SEMA4G: variants seen among roughly 807,000 people sequenced by gnomAD.
SEMA4G encodes semaphorin 4G.
In SEMA4G, 59 loss-of-function variants were observed where a neutral mutation model predicts 81.2. The observed-to-expected ratio is 0.73, with a 90% CI of 0.59 to 0.90. SEMA4G has a LOEUF of 0.90. SEMA4G is among the 40% of genes least tolerant of loss of function. SEMA4G has a pLI of 0.00. For synonymous variants in SEMA4G, 404 were observed against 433.9 expected, an observed-to-expected ratio of 0.93 and a Z score of 0.86; for missense variants, 952 against 1,102.3, an observed-to-expected ratio of 0.86 and a Z score of 1.93.
chr10:100,981,674 A>G, intron 13 of SEMA4G: 1 of 1,144,282 alleles, frequency 8.7e-7, no homozygotes, highest in South Asian at 1.4e-5. Flanking sequence ...GAAAGGTGCC[A>G]TTATTATTAT....
At position 100,979,083 on chromosome 10, in the gene SEMA4G, C is replaced by T. The variant is rs201888736; in HGVS notation, c.814-19C>T. On this transcript the variant is annotated intron_variant, in intron 7 of 13. Coordinates refer to ENST00000370250, the Ensembl canonical transcript of SEMA4G. Reference sequence around the variant, plus strand: ...GACCTCTGACCCTGGCCCCTTATCCCGTGCCTCTACCTCCCCAGGGAGACC... The same window carrying T: ...GACCTCTGACCCTGGCCCCTTATCCTGTGCCTCTACCTCCCCAGGGAGACC... 5 of 1,613,476 alleles carry T rather than the reference C, an allele frequency of 3.1e-6. No homozygotes were observed. Among genetic ancestry groups the T allele is most frequent in the East Asian group, 4.5e-5 (2 of 44,862 alleles).
upstream of SEMA4G, among the ~76,000 whole-genome samples, chr10:100,970,334 G>A (rs558014296): frequency 6.6e-6 from 1 of 151,902 alleles, no homozygotes; most frequent in Non-Finnish European, 1.5e-5. Flanking sequence ...CAGGTTAAGT[G>A]GGGGCTGAGA....
intron 10 of SEMA4G, 29 bp downstream of exon 11, chr10:100,980,373 G>C (rs760286258): frequency 2.4e-5 from 39 of 1,594,172 alleles, no homozygotes; most frequent in South Asian, 1.7e-4. Context: ...CCTGATCCCT[G>C]TTGGCCCTGA....
chr10:100,975,893 G>A (rs760793912), intron 3 of SEMA4G, among the ~76,000 whole-genome samples: 10 of 151,826 alleles, frequency 6.6e-5, no homozygotes, highest in South Asian at 4.2e-4. Context: ...GCAAGACTCC[G>A]TCTCAAAAAA....
upstream of SEMA4G, among the ~76,000 whole-genome samples, chr10:100,970,333 T>C (rs984626478): frequency 6.6e-6 from 1 of 151,730 alleles, no homozygotes; most frequent in African/African-American, 2.4e-5. Context: ...ACAGGTTAAG[T>C]GGGGGCTGAG....
At chr10:100,983,396 G>A (rs1264768450) in exon 14 of SEMA4G, 1 of 1,611,934 alleles carries the variant, frequency 6.2e-7, no homozygotes, top group South Asian at 1.1e-5. Context: ...CCCGGGCCTT[G>A]TGGCTACTCA....
downstream of SEMA4G, chr10:100,984,951 T>C: frequency 3.5e-6 from 5 of 1,421,730 alleles, no homozygotes; most frequent in Non-Finnish European, 3.7e-6. Flanking sequence ...CACACCTGTA[T>C]CACACATGTG....
chr10:100,973,388 G>A lies in SEMA4G; in HGVS notation c.273+111G>A, dbSNP rs1162201220. The A allele has an allele frequency of 2.1e-6, 3 of 1,448,220 alleles. No individual in the cohort carries two copies. In the Admixed American group the frequency reaches 5.9e-5, roughly 28 times the overall value. 89.7% of individuals were successfully genotyped at this position (1,448,220 alleles called of 1,614,324 possible). Reference sequence around the variant, plus strand: ...CCTTCCATAGCCCCCTGGTCAGACAGCACTGCCCTTCCCAGCCCAGGTGTT... The same window carrying A: ...CCTTCCATAGCCCCCTGGTCAGACAACACTGCCCTTCCCAGCCCAGGTGTT... On this transcript the variant is annotated intron_variant, in intron 2 of 13. Transcript: ENST00000370250. This position sits in a 1 kb window ranked among gnomAD's most constrained non-coding sequence, Gnocchi z 5.5.
intron 6 of SEMA4G, 93 bp downstream of exon 7, chr10:100,978,733 C>T (rs1850913939): frequency 1.9e-6 from 3 of 1,554,774 alleles, no homozygotes; most frequent in African/African-American, 1.4e-5. Flanking sequence ...CCCCAAATCC[C>T]CAGGTGAGCC....
chr10:100,983,211 T>C, intron 13 of SEMA4G, 94 bp from the exon 15 acceptor site: 1 of 1,363,024 alleles, frequency 7.3e-7, no homozygotes, highest in Non-Finnish European at 9.8e-7. Flanking sequence ...GTTCTGTGCT[T>C]GGTGCCAGGG....
chr10:100,971,207 AC>A (rs1850623184), upstream of SEMA4G, among the ~76,000 whole-genome samples: 1 of 152,154 alleles, frequency 6.6e-6, no homozygotes, highest in Non-Finnish European at 1.5e-5. Flanking sequence ...TGTGACATGC[AC>A]CACACTGAGT....
chr10:100,982,062 CAAA>C (rs34646595), intron 13 of SEMA4G, among the ~76,000 whole-genome samples: 2 of 126,842 alleles, frequency 1.6e-5, no homozygotes, highest in Non-Finnish European at 1.6e-5. Context: ...CATCTCATCT[CAAA>C]AAAAAAAAAA....
chr10:100,975,959 T>C (rs1850762671), intron 3 of SEMA4G, among the ~76,000 whole-genome samples: 1 of 152,104 alleles, frequency 6.6e-6, no homozygotes, highest in African/African-American at 2.4e-5. Flanking sequence ...TAGGAATATT[T>C]ATCTGGCCCC....
intron 13 of SEMA4G, chr10:100,981,599 T>C: frequency 1.3e-6 from 2 of 1,596,558 alleles, no homozygotes; most frequent in Non-Finnish European, 1.7e-6. Flanking sequence ...GTATTTACTG[T>C]GTGCCAGACA....
exon 1 of SEMA4G, chr10:100,972,975 C>G (rs1322465491): frequency 2.5e-6 from 4 of 1,613,918 alleles, no homozygotes; most frequent in Admixed American, 1.7e-5. Context: ...TCCCAGGACC[C>G]TCACTGCGGA....
exon 14 of SEMA4G, chr10:100,983,935 C>T (rs772968534): frequency 8.7e-6 from 14 of 1,607,864 alleles, no homozygotes; most frequent in African/African-American, 6.7e-5. Flanking sequence ...CCACCGCCAC[C>T]GGCTGAGCTG....
chr10:100,972,953 C>T (rs1469347701), exon 1 of SEMA4G: 1 of 1,613,414 alleles, frequency 6.2e-7, no homozygotes. Flanking sequence ...AGCATCCTCA[C>T]AGCAACTGCA....
chr10:100,984,019 G>A lies in SEMA4G; in HGVS notation c.2405G>A (p.Ser802Asn), dbSNP rs976145243. Reference sequence around the variant, plus strand: ...AATAGCTATGTGCTTCTGAGGCAGAGCAACAATGGAGTACCAGCAGGGCCC... The same window carrying A: ...AATAGCTATGTGCTTCTGAGGCAGAACAACAATGGAGTACCAGCAGGGCCC... The change falls in exon 14 of 14, where the codon AGC (serine) becomes AAC (asparagine). Residue 802 changes from serine to asparagine, a missense_variant. Transcript: ENST00000370250. 1.2e-5 allele frequency: 19 copies of A among 1,613,378 alleles called. No homozygotes were observed. Among genetic ancestry groups the A allele is most frequent in the Non-Finnish European group, 1.5e-5 (18 of 1,180,000 alleles).
chr10:100,980,660 G>C, exon 11 of SEMA4G: 2 of 1,614,166 alleles, frequency 1.2e-6, no homozygotes, highest in Non-Finnish European at 1.7e-6. Flanking sequence ...GGGAGTCCCA[G>C]TCTGTGGAAA....
Sources: allele counts gnomAD v4.1 joint callset (sites outside exome capture counted in the v4.1 genomes callset), GRCh38; gene constraint gnomAD v4.1.1; non-coding constraint Gnocchi (gnomAD v3.1); transcripts MANE v1.5; gene names NCBI Gene and HGNC (gene_info 2026-07-23, HGNC 2026-07-21).